KCNH7: variants seen among roughly 807,000 people sequenced by gnomAD.
The protein encoded by KCNH7 is potassium voltage-gated channel subfamily H member 7.
Under a neutral mutation model 120.8 loss-of-function variants are expected in KCNH7, and 49 were observed. The observed-to-expected ratio is 0.41, with a 90% CI of 0.32 to 0.51. The LOEUF is 0.51. Among genes scored for constraint, KCNH7 ranks in the 20% least tolerant of loss-of-function variants. KCNH7 has a pLI of 0.38. For missense variants in KCNH7, 1,097 were observed against 1,446.6 expected (o/e 0.76, Z 3.92); for synonymous variants, 547 against 516.1 (o/e 1.06, Z -0.81).
chr2:162,574,228 T>C (rs779968660), intron 2 of KCNH7, among the ~76,000 whole-genome samples: 23 of 152,044 alleles, frequency 1.5e-4, no homozygotes, highest in Non-Finnish European at 3.4e-4. Flanking sequence ...AACATAAATG[T>C]TTAATACAAT....
chr2:162,817,748 C>T (rs942847566), intron 2 of KCNH7, among the ~76,000 whole-genome samples: 1 of 152,008 alleles, frequency 6.6e-6, no homozygotes, highest in Admixed American at 6.6e-5. Flanking sequence ...TCAATTTTAC[C>T]TATTCTAGTG....
chr2:162,601,627 C>G (rs1694560865), intron 2 of KCNH7, among the ~76,000 whole-genome samples: 1 of 151,764 alleles, frequency 6.6e-6, no homozygotes, highest in Non-Finnish European at 1.5e-5. Context: ...GGTTAATAAT[C>G]CATACAATTA....
At chr2:162,416,945 G>A (rs1687559479) in intron 9 of KCNH7, among the ~76,000 whole-genome samples, 1 of 152,130 alleles carries the variant, frequency 6.6e-6, no homozygotes, top group Non-Finnish European at 1.5e-5. Context: ...CACATGGATT[G>A]CAATATGTCT....
At chr2:162,553,433 A>C (rs901334810) in intron 2 of KCNH7, among the ~76,000 whole-genome samples, 1 of 152,194 alleles carries the variant, frequency 6.6e-6, no homozygotes, top group Non-Finnish European at 1.5e-5. Context: ...GCAGATCACA[A>C]GGTCAGGAGA....
At chr2:162,411,468 G>A (rs916775037) in intron 9 of KCNH7, among the ~76,000 whole-genome samples, 15 of 151,926 alleles carry the variant, frequency 9.9e-5, no homozygotes, top group Non-Finnish European at 1.9e-4. Flanking sequence ...AGGAGGGAGG[G>A]TGAAAAGGAA....
At chr2:162,439,874 G>A (rs1688366386) in intron 7 of KCNH7, among the ~76,000 whole-genome samples, 1 of 151,514 alleles carries the variant, frequency 6.6e-6, no homozygotes, top group Non-Finnish European at 1.5e-5. Context: ...TTGTATGTAT[G>A]TTAGATACTA....
chr2:162,776,126 C>T (rs551868040), intron 2 of KCNH7, among the ~76,000 whole-genome samples: 1 of 152,192 alleles, frequency 6.6e-6, no homozygotes, highest in African/African-American at 2.4e-5. Context: ...ATACCGTTCT[C>T]TCATTTATTT....
Position 162,430,546 on chromosome 2 carries a change from G to A in KCNH7, c.1954+4652C>T, listed in dbSNP as rs536849119. Among the ~76,000 whole-genome samples the A allele has an allele frequency of 1.8e-4, 28 of 152,198 alleles. No homozygotes were observed. In the South Asian group the frequency reaches 5.6e-3, roughly 30 times the overall value. ...TTCTGTGTTCACTGTGGTCCAGGAA[G>A]TGCCTCCAGGCAAAAAGCCAAGATA... On this transcript the variant is annotated intron_variant, in intron 8 of 15. Coordinates refer to ENST00000332142, the MANE Select transcript of KCNH7 (RefSeq NM_033272.4).
intron 2 of KCNH7, among the ~76,000 whole-genome samples, chr2:162,683,866 A>C (rs1454985239): frequency 6.6e-6 from 1 of 152,080 alleles, no homozygotes; most frequent in Non-Finnish European, 1.5e-5. Context: ...ATATGGAACC[A>C]AAAAAGAGCC....
At chr2:162,670,612 C>T (rs1232000443) in intron 2 of KCNH7, among the ~76,000 whole-genome samples, 1 of 150,076 alleles carries the variant, frequency 6.7e-6, no homozygotes, top group Non-Finnish European at 1.5e-5. Flanking sequence ...GTTAAGGAAG[C>T]AGGTGAGACA....
intron 2 of KCNH7, among the ~76,000 whole-genome samples, chr2:162,573,433 A>T (rs1432672966): frequency 6.6e-6 from 1 of 152,082 alleles, no homozygotes; most frequent in African/African-American, 2.4e-5. Context: ...CTAATAGCAT[A>T]ATTAAAATAA....
At chr2:162,532,483 T>A (rs948348575) in intron 3 of KCNH7, among the ~76,000 whole-genome samples, 5 of 151,750 alleles carry the variant, frequency 3.3e-5, no homozygotes, top group Middle Eastern at 3.2e-3. Context: ...TCGGCAACAG[T>A]TGATGTAAGA....
chr2:162,548,493 C>T (rs1379167998), intron 2 of KCNH7, among the ~76,000 whole-genome samples: 1 of 151,908 alleles, frequency 6.6e-6, no homozygotes, highest in Non-Finnish European at 1.5e-5. Context: ...TGCTTAGTAC[C>T]TTTTCAAAGT....
intron 2 of KCNH7, among the ~76,000 whole-genome samples, chr2:162,740,601 G>A (rs1222724577): frequency 6.6e-6 from 1 of 152,176 alleles, no homozygotes. Flanking sequence ...CTCAACAACG[G>A]TAATGATGTT....
chr2:162,645,770 C>T (rs1166893413), intron 2 of KCNH7, among the ~76,000 whole-genome samples: 1 of 152,142 alleles, frequency 6.6e-6, no homozygotes, highest in Admixed American at 6.5e-5. Context: ...TCCATTTCCT[C>T]CAGCTCTCTG....
At chr2:162,682,020 T>G (rs1685729503) in intron 2 of KCNH7, among the ~76,000 whole-genome samples, 1 of 151,662 alleles carries the variant, frequency 6.6e-6, no homozygotes, top group Non-Finnish European at 1.5e-5. Flanking sequence ...CTTTTAGAGA[T>G]TGGTAAAATG....
rs1685952784 is a variant in KCNH7 at position 162,371,704 on chromosome 2, A to G, written c.*125T>C. 7 of 950,704 alleles carry G rather than the reference A, an allele frequency of 7.4e-6. No individual in the cohort carries two copies. The allele number at this position is 950,704 out of a possible 1,614,324, so 58.9% of individuals were successfully genotyped here. On this transcript the variant is annotated 3_prime_UTR_variant, in exon 16 of 16. Coordinates refer to ENST00000332142, the MANE Select transcript of KCNH7 (RefSeq NM_033272.4). ...TACAAGCTTCAATTTAGGAAAATAT[A>G]CAGTACTTTTGCATATAATGGTACC...
chr2:162,531,360 C>T (rs1479673146), intron 3 of KCNH7, among the ~76,000 whole-genome samples: 5 of 151,934 alleles, frequency 3.3e-5, no homozygotes, highest in African/African-American at 1.2e-4. Context: ...TGCTGATATA[C>T]CCTCCCTTTT....
At chr2:162,713,517 A>G (rs1482739906) in intron 2 of KCNH7, among the ~76,000 whole-genome samples, 1 of 152,208 alleles carries the variant, frequency 6.6e-6, no homozygotes, top group Non-Finnish European at 1.5e-5. Flanking sequence ...TAGTTTAGTT[A>G]CTAGCCATAA....
Sources: allele counts gnomAD v4.1 joint callset (sites outside exome capture counted in the v4.1 genomes callset), GRCh38; gene constraint gnomAD v4.1.1; transcripts MANE v1.5; gene names NCBI Gene and HGNC (gene_info 2026-07-23, HGNC 2026-07-21).